SMARCD3: variants seen among roughly 807,000 people sequenced by gnomAD.
The protein encoded by SMARCD3 is SWI/SNF related BAF chromatin remodeling complex subunit D3, also known as SWI/SNF-related matrix-associated actin-dependent regulator of chromatin subfamily D member 3.
A neutral mutation model predicts 58.0 loss-of-function variants in SMARCD3; 14 were observed. The ratio of observed to expected loss-of-function variants is 0.24; its 90% CI spans 0.16 to 0.38. SMARCD3 has a LOEUF of 0.38. Among genes scored for constraint, SMARCD3 ranks in the 10% least tolerant of loss-of-function variants. The pLI is 1.00. For missense variants in SMARCD3, 408 were observed against 636.9 expected (o/e 0.64, Z 3.87); for synonymous variants, 253 against 253.8 (o/e 1.00, Z 0.03).
intron 2 of SMARCD3, among the ~76,000 whole-genome samples, chr7:151,262,234 C>T (rs1563686036): frequency 6.6e-6 from 1 of 152,148 alleles, no homozygotes; most frequent in Admixed American, 6.5e-5. Flanking sequence ...GCACATGCCA[C>T]CATGCCCGGC....
chr7:151,250,975 G>A (rs1450008667), upstream of SMARCD3, among the ~76,000 whole-genome samples: 2 of 152,246 alleles, frequency 1.3e-5, no homozygotes, highest in Non-Finnish European at 1.5e-5. Context: ...AGGCCTTGGA[G>A]GTTCTGGGGG....
intron 2 of SMARCD3, among the ~76,000 whole-genome samples, chr7:151,269,214 A>G (rs1450141094): frequency 6.6e-6 from 1 of 152,240 alleles, no homozygotes; most frequent in East Asian, 1.9e-4. Context: ...GCAAAAGCAC[A>G]GTGCTGCTTC....
upstream of SMARCD3, among the ~76,000 whole-genome samples, chr7:151,252,631 A>T (rs1021214454): frequency 6.6e-6 from 1 of 151,986 alleles, no homozygotes; most frequent in Non-Finnish European, 1.5e-5. Flanking sequence ...GCCTCGGGGG[A>T]CCTCTGGCTA....
intron 2 of SMARCD3, among the ~76,000 whole-genome samples, chr7:151,270,089 G>A (rs1795129376): frequency 6.6e-6 from 1 of 152,194 alleles, no homozygotes; most frequent in Non-Finnish European, 1.5e-5. Flanking sequence ...ATGTTGAAAG[G>A]TGGTCAGATG....
chr7:151,258,556 C>G (rs1425151569), intron 2 of SMARCD3, among the ~76,000 whole-genome samples: 1 of 133,068 alleles, frequency 7.5e-6, no homozygotes, highest in Non-Finnish European at 1.6e-5. Flanking sequence ...CAGAGTGAGA[C>G]TCTGCCTAAA....
intron 2 of SMARCD3, among the ~76,000 whole-genome samples, chr7:151,268,583 G>C (rs1277094217): frequency 6.6e-6 from 1 of 152,108 alleles, no homozygotes; most frequent in African/African-American, 2.4e-5. Context: ...CCTGAGGTTT[G>C]GGCACAGCAA....
chr7:151,271,976 G>A (rs147657105), intron 2 of SMARCD3, among the ~76,000 whole-genome samples: 1 of 152,022 alleles, frequency 6.6e-6, no homozygotes, highest in Non-Finnish European at 1.5e-5. Flanking sequence ...AGAGAAAGAG[G>A]GTATTTCCTG....
rs776238430 is a variant in SMARCD3, at chr7:151,241,530, C to T, written c.901G>A (p.Asp301Asn). The change falls in exon 8 of 13, where the codon GAC (aspartate) becomes AAC (asparagine). Residue 301 changes from aspartate to asparagine, a missense_variant. Around this residue, in one of 4 missense-constraint regions of SMARCD3, gnomAD observed 115 missense variants for 257.2 expected, o/e 0.45. Transcript: ENST00000262188. The surrounding 1 kb of genome is among the most constrained non-coding windows in gnomAD (Gnocchi z 5.3). ...VKTNRLQDSHDKEYINGDKYF... is the reference protein window; with the variant it reads ...VKTNRLQDSHNKEYINGDKYF... ...TTGTCCCCATTGATGTATTCCTTGT[C>T]ATGGGAGTCCTGCAGCCTGTTGGTC... 6.2e-7 allele frequency: 1 copy of T among 1,612,180 alleles called. No homozygotes were observed.
intron 2 of SMARCD3, among the ~76,000 whole-genome samples, chr7:151,256,234 G>A (rs1354071577): frequency 1.4e-5 from 2 of 146,974 alleles, no homozygotes; most frequent in African/African-American, 2.5e-5. Flanking sequence ...CAGGTGGCGC[G>A]ATCTCAGCTC....
intron 2 of SMARCD3, among the ~76,000 whole-genome samples, chr7:151,255,877 G>A (rs1031925669): frequency 2.7e-5 from 4 of 150,394 alleles, no homozygotes; most frequent in Non-Finnish European, 1.5e-5. Flanking sequence ...AACCTCCCTT[G>A]CATGTACTTT....
At position 151,239,642 on chromosome 7, in the gene SMARCD3, G is replaced by A; in HGVS notation, c.1278C>T (p.Ser426=). 6.2e-7 allele frequency: 1 copy of A among 1,614,082 alleles called. No homozygotes were observed. The highest frequency in any genetic ancestry group is 8.5e-7 in the Non-Finnish European group (1 of 1,180,012). Residue 426 remains serine, a synonymous_variant, in exon 11 of 13, where the codon TCC becomes TCT. Transcript: ENST00000262188. This position sits in a 1 kb window ranked among gnomAD's most constrained non-coding sequence, Gnocchi z 7.0. ...PKGYVQDLLR[S]QSRDLKVMTD... ...TCTTCACCTTGAGGTCCCGGCTCTGGGAGCGGAGCAGGTCTTGGACATAGC... is the reference window on the plus strand; with the variant it reads ...TCTTCACCTTGAGGTCCCGGCTCTGAGAGCGGAGCAGGTCTTGGACATAGC...
At chr7:151,247,242 C>A (rs1238048367) in intron 1 of SMARCD3, among the ~76,000 whole-genome samples, 1 of 152,132 alleles carries the variant, frequency 6.6e-6, no homozygotes, top group Non-Finnish European at 1.5e-5. Flanking sequence ...ATTAAAAAAA[C>A]AGTCCACGTG....
intron 2 of SMARCD3, among the ~76,000 whole-genome samples, chr7:151,270,215 C>T (rs1795133028): frequency 1.3e-5 from 2 of 152,176 alleles, no homozygotes; most frequent in African/African-American, 4.8e-5. Context: ...GCATGGAGCA[C>T]TCCTCCAACC....
At chr7:151,240,281 T>C in intron 9 of SMARCD3, 34 bp from the exon 10 acceptor site, 2 of 1,499,792 alleles carry the variant, frequency 1.3e-6, no homozygotes, top group Non-Finnish European at 1.8e-6. Context: ...GTGTCCACGA[T>C]GCCCCCATAC....
chr7:151,270,161 A>T (rs1339389439), intron 2 of SMARCD3, among the ~76,000 whole-genome samples: 1 of 152,086 alleles, frequency 6.6e-6, no homozygotes, highest in Non-Finnish European at 1.5e-5. Flanking sequence ...GGTCAGAGGG[A>T]GTGACATTCT....
rs2150595531 is a variant in SMARCD3, at chr7:151,245,583, A to T, written c.167T>A (p.Val56Glu). 1 of 1,163,798 alleles carries T rather than the reference A, an allele frequency of 8.6e-7. No homozygotes were observed. Among genetic ancestry groups the T allele is most frequent in the Non-Finnish European group, 1.1e-6 (1 of 927,022 alleles). 72.1% of individuals were successfully genotyped at this position (1,163,798 alleles called of 1,614,324 possible). Residue 56 changes from valine (V) to glutamate (E), a missense_variant, in exon 2 of 13, where the codon GTG becomes GAG. Physicochemically the swap from Val to Glu is moderately radical, Grantham distance 121. Coordinates refer to ENST00000262188, the MANE Select transcript of SMARCD3 (RefSeq NM_001003801.2). This position sits in a 1 kb window ranked among gnomAD's most constrained non-coding sequence, Gnocchi z 6.2. ...PGSPYMGSPA[V>E]RPGLAPAGME... ...GCCCGCGGGGGCCAGGCCGGGTCGCACGGCGGGGCTGCCCATGTACGGGGA... is the reference window on the plus strand; with the variant it reads ...GCCCGCGGGGGCCAGGCCGGGTCGCTCGGCGGGGCTGCCCATGTACGGGGA...
rs1324875603 is a variant in SMARCD3 at position 151,246,963 on chromosome 7, G to C, written c.79-1292C>G. On this transcript the variant is annotated intron_variant, in intron 1 of 12. Transcript: ENST00000262188. The surrounding 1 kb of genome is among the most constrained non-coding windows in gnomAD (Gnocchi z 4.4). ...GAGGAGGGGCCCCCTTGGGCTTGCT[G>C]TTTTCCTTCCAACTGCTACCTCTCC... 1.3e-5 allele frequency among the ~76,000 whole-genome samples: 2 copies of C among 152,076 alleles called. No individual in the cohort carries two copies. The highest frequency in any genetic ancestry group is 4.8e-5 in the African/African-American group (2 of 41,384).
chr7:151,242,476 C>A lies in SMARCD3; in HGVS notation c.579+5G>T. 6.2e-7 allele frequency: 1 copy of A among 1,612,742 alleles called. No individual in the cohort carries two copies. The highest frequency in any genetic ancestry group is 8.5e-7 in the Non-Finnish European group (1 of 1,179,898). On this transcript the variant is annotated splice_donor_5th_base_variant and intron_variant, in intron 5 of 12. Coordinates refer to ENST00000262188, the MANE Select transcript of SMARCD3 (RefSeq NM_001003801.2). The surrounding 1 kb of genome is among the most constrained non-coding windows in gnomAD (Gnocchi z 4.7). ...ACACCTGGAGAGACCTGGGCCGGGACGTACATCATCCAGGAGCTTCCCCTC... is the reference window on the plus strand; with the variant it reads ...ACACCTGGAGAGACCTGGGCCGGGAAGTACATCATCCAGGAGCTTCCCCTC...
chr7:151,242,642 G>C lies in SMARCD3; in HGVS notation c.457-39C>G, dbSNP rs993520791. 1.9e-6 allele frequency: 3 copies of C among 1,611,986 alleles called. No homozygotes were observed. Among genetic ancestry groups the C allele is most frequent in the Middle Eastern group, 1.6e-4 (1 of 6,078 alleles). On this transcript the variant is annotated intron_variant, in intron 4 of 12. Coordinates refer to ENST00000262188, the MANE Select transcript of SMARCD3 (RefSeq NM_001003801.2). This position sits in a 1 kb window ranked among gnomAD's most constrained non-coding sequence, Gnocchi z 4.7. The stretch of plus-strand genomic sequence containing the variant: ...GTGCAGAACCGGGCGAATGCTGTGT[G>C]CTCCCACCCCGACCACCCTGCTTCC...
Sources: gnomAD v4.1 joint callset for allele counts (sites outside exome capture counted in the v4.1 genomes callset) on GRCh38, gnomAD v4.1.1 for gene constraint, gnomAD v4.1.1 regional missense constraint, Gnocchi (gnomAD v3.1) non-coding constraint, MANE v1.5 for transcripts, NCBI Gene and HGNC (gene_info 2026-07-23, HGNC 2026-07-21) for gene names.